The following TMEM242 variants were observed in gnomAD, a reference collection of about 807,000 sequenced individuals.
TMEM242 encodes the protein transmembrane protein 242, also known as UPF0463 transmembrane protein C6orf35.
Under a neutral mutation model 18.2 loss-of-function variants are expected in TMEM242, and 10 were observed. The observed-to-expected ratio is 0.55, with a 90% CI of 0.34 to 0.93. The LOEUF (loss-of-function observed/expected upper bound fraction) is 0.93. TMEM242 is among the 40% of genes least tolerant of loss of function. The probability of loss-of-function intolerance (pLI) is 0.02; values close to 1 mark genes in which losing one functional copy is unlikely to be tolerated. For missense variants in TMEM242, 186 were observed against 175.5 expected, an observed-to-expected ratio of 1.06 and a Z score of -0.34; for synonymous variants, 57 against 69.9, an observed-to-expected ratio of 0.81 and a Z score of 0.92.
intron 3 of TMEM242, among the ~76,000 whole-genome samples, chr6:157,312,990 T>G: frequency 6.6e-6 from 1 of 151,982 alleles, no homozygotes; most frequent in Non-Finnish European, 1.5e-5. Flanking sequence ...TCACCTAGCC[T>G]CATCATAGTG....
rs1778188421 is a variant in TMEM242 at position 157,312,452 on chromosome 6, TAGTGCCCCAGCG to T, written c.327+6318_327+6329del. Among the ~76,000 whole-genome samples, 521 of 144,044 alleles carry T rather than the reference TAGTGCCCCAGCG, an allele frequency of 3.6e-3. 21 individuals carry two copies. The highest frequency in any genetic ancestry group is 7.4e-3 in the East Asian group (35 of 4,760). 94.5% of individuals were successfully genotyped at this position (144,044 alleles called of 152,430 possible). On this transcript the variant is annotated intron_variant, in intron 3 of 3. Coordinates refer to ENST00000400788, the MANE Select transcript of TMEM242 (RefSeq NM_018452.6). The stretch of plus-strand genomic sequence containing the variant: ...CACAGTGTGCACTCACCGAGCCTCA[TAGTGCCCCAGCG>T]TGCACTCACCTAGCCTCATCATAGT...
rs782608048 is a variant in TMEM242 at position 157,297,923 on chromosome 6, A to G, written c.328-4924T>C. On this transcript the variant is annotated intron_variant, in intron 3 of 3. Coordinates refer to ENST00000400788, the MANE Select transcript of TMEM242 (RefSeq NM_018452.6). ...AGATAAATGTCAGACAAACATTTTT[A>G]CTTTCTCCCCAACTTTCACTGTATC... 8.5e-5 allele frequency among the ~76,000 whole-genome samples: 13 copies of G among 152,360 alleles called. No individual in the cohort carries two copies. In the East Asian group the frequency reaches 2.1e-3, roughly 25 times the overall value.
At chr6:157,306,409 G>A (rs1020557765) in intron 3 of TMEM242, among the ~76,000 whole-genome samples, 10 of 152,204 alleles carry the variant, frequency 6.6e-5, no homozygotes, top group African/African-American at 9.7e-5. Flanking sequence ...AGATGCAGGG[G>A]TGAGACACAG....
In TMEM242 at chr6:157,292,836, T is replaced by C; in HGVS notation, c.*65A>G. The stretch of plus-strand genomic sequence containing the variant: ...GAGAAATCAGTCCCAGTCCTTTTGC[T>C]GTCATGGTGTCTCCAGAGCCACCCC... On this transcript the variant is annotated 3_prime_UTR_variant, in exon 4 of 4. Coordinates refer to ENST00000400788, the MANE Select transcript of TMEM242 (RefSeq NM_018452.6). 7.8e-7 allele frequency: 1 copy of C among 1,275,338 alleles called. No individual in the cohort carries two copies. The highest frequency in any genetic ancestry group is 1.2e-5 in the South Asian group (1 of 82,952). 79.0% of individuals were successfully genotyped at this position (1,275,338 alleles called of 1,614,324 possible).
intron 3 of TMEM242, among the ~76,000 whole-genome samples, chr6:157,297,066 C>T (rs1308989982): frequency 6.6e-6 from 1 of 152,166 alleles, no homozygotes; most frequent in Admixed American, 6.5e-5. Context: ...TGAGGCCAAC[C>T]ACTGATGCCA....
chr6:157,302,378 A>G (rs1378582163), intron 3 of TMEM242, among the ~76,000 whole-genome samples: 3 of 152,188 alleles, frequency 2.0e-5, no homozygotes, highest in East Asian at 1.9e-4. Flanking sequence ...ATTTTCCAAG[A>G]TAAGTGTTGT....
Position 157,323,413 on chromosome 6 carries a change from TTTAACCAG to T in TMEM242, c.79_86del (p.Leu27ArgfsTer25). 1 of 1,614,008 alleles carries T rather than the reference TTTAACCAG, an allele frequency of 6.2e-7. No homozygotes were observed. Among genetic ancestry groups the T allele is most frequent in the Non-Finnish European group, 8.5e-7 (1 of 1,179,916 alleles). ...GCACCTCACCACAGCACATCTTACCTTTAACCAGGAAAAGCCGGTCATTCGTGGACCCC... is the reference window on the plus strand; with the variant it reads ...GCACCTCACCACAGCACATCTTACCTGAAAAGCCGGTCATTCGTGGACCCC... On this transcript the variant is annotated frameshift_variant and splice_region_variant, in exon 1 of 4. Coordinates refer to ENST00000400788, the MANE Select transcript of TMEM242 (RefSeq NM_018452.6). LOFTEE classifies it high-confidence loss of function.
intron 3 of TMEM242, 38 bp downstream of exon 3, chr6:157,318,744 A>T: frequency 1.2e-6 from 2 of 1,612,144 alleles, no homozygotes; most frequent in Non-Finnish European, 1.7e-6. Context: ...AAGCAGAATA[A>T]ACATGTAGAT....
chr6:157,300,019 G>C, intron 3 of TMEM242: 1 of 1,108,246 alleles, frequency 9.0e-7, no homozygotes, highest in Non-Finnish European at 1.4e-6. Flanking sequence ...AGAGCCAGGC[G>C]CCCTTGAGCG....
At chr6:157,320,520 G>T (rs1013764922) in intron 2 of TMEM242, among the ~76,000 whole-genome samples, 3 of 152,010 alleles carry the variant, frequency 2.0e-5, no homozygotes, top group Admixed American at 6.6e-5. Flanking sequence ...ACCCAGGCTG[G>T]AGTGTAGTGG....
rs985793473 is a variant in TMEM242, at chr6:157,294,353, T to C, written c.328-1354A>G. On this transcript the variant is annotated intron_variant, in intron 3 of 3. Transcript: ENST00000400788. ...TGCAACATGCAAGTCATTTCTTTTTTTTTTTTTTTTTTTTTGAGACGGAGT... is the reference window on the plus strand; with the variant it reads ...TGCAACATGCAAGTCATTTCTTTTTCTTTTTTTTTTTTTTTGAGACGGAGT... 4.8e-5 allele frequency among the ~76,000 whole-genome samples: 7 copies of C among 146,502 alleles called. No individual in the cohort carries two copies. The East Asian group carries it at 5.9e-4, about 12-fold the overall frequency.
intron 3 of TMEM242, among the ~76,000 whole-genome samples, chr6:157,310,755 C>A (rs1554248430): frequency 7.2e-6 from 1 of 138,206 alleles, no homozygotes; most frequent in African/African-American, 2.7e-5. Flanking sequence ...TGTGCACTCA[C>A]CCGGCCTCAT....
chr6:157,310,986 GCGC>G (rs1778034708), intron 3 of TMEM242, among the ~76,000 whole-genome samples: 4 of 708 alleles, frequency 5.6e-3, no homozygotes, highest in African/African-American at 0.013. Flanking sequence ...GTCCCAGTAT[GCGC>G]TAACCTAGCC....
intron 3 of TMEM242, among the ~76,000 whole-genome samples, chr6:157,300,949 T>C (rs1226363700): frequency 6.6e-6 from 1 of 152,210 alleles, no homozygotes; most frequent in Non-Finnish European, 1.5e-5. Flanking sequence ...ATAAATGATC[T>C]AGTACAACGT....
At chr6:157,313,015 C>G (rs1554249567) in intron 3 of TMEM242, among the ~76,000 whole-genome samples, 2 of 152,272 alleles carry the variant, frequency 1.3e-5, no homozygotes, top group Admixed American at 6.5e-5. Context: ...AGTGTCCGCT[C>G]ACCTAGCCTC....
At chr6:157,304,231 C>T (rs34388785) in intron 3 of TMEM242, among the ~76,000 whole-genome samples, 29,967 of 151,762 alleles carry the variant, frequency 0.2, 3,701 homozygotes, top group East Asian at 0.56. Context: ...TTCAGGAGGC[C>T]GAGGCAGGTG....
intron 3 of TMEM242, among the ~76,000 whole-genome samples, chr6:157,310,765 T>C (rs372497456): frequency 6.8e-6 from 1 of 146,178 alleles, no homozygotes; most frequent in South Asian, 2.2e-4. Context: ...CCCGGCCTCA[T>C]CATAGGGTCC....
chr6:157,312,917 C>A (rs62425593), intron 3 of TMEM242, among the ~76,000 whole-genome samples: 3 of 2,206 alleles, frequency 1.4e-3, no homozygotes, highest in East Asian at 8.6e-3. Flanking sequence ...TGCGCTCACC[C>A]GGCATCATCA....
chr6:157,298,479 G>A (rs868960429), intron 3 of TMEM242, among the ~76,000 whole-genome samples: 37 of 152,202 alleles, frequency 2.4e-4, no homozygotes, highest in Middle Eastern at 3.4e-3. Context: ...ACTGGTGTGC[G>A]CACATACACA....
Sources: allele counts gnomAD v4.1 joint callset (sites outside exome capture counted in the v4.1 genomes callset), GRCh38; gene constraint gnomAD v4.1.1; transcripts MANE v1.5; gene names NCBI Gene and HGNC (gene_info 2026-07-23, HGNC 2026-07-21).